NDST4: variants seen among roughly 807,000 people sequenced by gnomAD.
NDST4 encodes the protein N-deacetylase and N-sulfotransferase 4.
NDST4 carries 63 observed loss-of-function variants against 100.8 expected under a neutral mutation model. The observed-to-expected ratio is 0.62, with a 90% CI of 0.51 to 0.77. The LOEUF (loss-of-function observed/expected upper bound fraction) is 0.77, where lower values mean the gene tolerates loss of function less well. Ranked by LOEUF, NDST4 falls within the 30% of genes least tolerant of loss-of-function variation. The probability of loss-of-function intolerance (pLI) is 0.00; values close to 1 mark genes in which losing one functional copy is unlikely to be tolerated. For missense variants in NDST4, 943 were observed against 1,018.4 expected (o/e 0.93, Z 1.01); for synonymous variants, 377 against 361.8 (o/e 1.04, Z -0.48).
At chr4:114,962,129 C>A (rs560355995) in intron 4 of NDST4, among the ~76,000 whole-genome samples, 29 of 152,078 alleles carry the variant, frequency 1.9e-4, no homozygotes, top group African/African-American at 6.0e-4. Context: ...AAAATACATG[C>A]AGATACATAC....
chr4:114,988,343 T>A (rs1269376956), intron 2 of NDST4, among the ~76,000 whole-genome samples: 8 of 140,510 alleles, frequency 5.7e-5, no homozygotes, highest in Non-Finnish European at 1.1e-4. Context: ...AGCACACAGA[T>A]ACACATATCT....
intron 2 of NDST4, among the ~76,000 whole-genome samples, chr4:115,040,285 G>A (rs941503476): frequency 2.7e-5 from 4 of 149,004 alleles, no homozygotes; most frequent in East Asian, 2.0e-4. Context: ...TAATAACACA[G>A]TAAGGTACTA....
rs1365709023 is a variant in NDST4 at position 114,914,886 on chromosome 4, G to A, written c.1536+20320C>T. Among the ~76,000 whole-genome samples the A allele has an allele frequency of 2.0e-5, 3 of 151,998 alleles. No individual in the cohort carries two copies. The East Asian group carries it at 5.8e-4, about 29-fold the overall frequency. On this transcript the variant is annotated intron_variant, in intron 6 of 13. Transcript: ENST00000264363. ...TTATTTTTACTCGTGCTATCGCCAG[G>A]CAGGGAATAGGTAACTTGGACTCAA...
chr4:114,986,832 A>ATATATATTTTTTTTTT, intron 2 of NDST4, among the ~76,000 whole-genome samples: 29 of 94,648 alleles, frequency 3.1e-4, no homozygotes, highest in Middle Eastern at 7.9e-3. Flanking sequence ...ATATATATAT[A>ATATATATTTTTTTTTT]TTTTAATATA....
At chr4:114,937,759 G>T (rs971169194) in intron 4 of NDST4, among the ~76,000 whole-genome samples, 2 of 151,924 alleles carry the variant, frequency 1.3e-5, no homozygotes, top group African/African-American at 4.8e-5. Flanking sequence ...GTAAAGTTTT[G>T]GGGGAAGATA....
intron 1 of NDST4, among the ~76,000 whole-genome samples, chr4:115,085,060 T>C (rs1404380312): frequency 6.6e-6 from 1 of 152,068 alleles, no homozygotes; most frequent in Non-Finnish European, 1.5e-5. Flanking sequence ...GGGGTGGAGC[T>C]CCCCAAGGCC....
chr4:114,943,073 TATATA>T (rs1244409439), intron 4 of NDST4, among the ~76,000 whole-genome samples: 1 of 147,194 alleles, frequency 6.8e-6, no homozygotes, highest in Non-Finnish European at 1.5e-5. Context: ...ATTTATATAT[TATATA>T]ATATAATTTA....
intron 2 of NDST4, among the ~76,000 whole-genome samples, chr4:115,068,815 C>CAAAAAAAAA (rs34003720): frequency 1.3e-5 from 1 of 77,622 alleles, no homozygotes; most frequent in Admixed American, 1.4e-4. Context: ...GGCTCCATCT[C>CAAAAAAAAA]AAAAAAAAAA....
At chr4:114,945,608 G>T (rs1725845312) in intron 4 of NDST4, among the ~76,000 whole-genome samples, 1 of 152,200 alleles carries the variant, frequency 6.6e-6, no homozygotes, top group Non-Finnish European at 1.5e-5. Context: ...TAATGCACTT[G>T]TTGTAAAGAG....
intron 2 of NDST4, among the ~76,000 whole-genome samples, chr4:115,025,238 G>A (rs1315542619): frequency 1.3e-5 from 2 of 152,002 alleles, no homozygotes; most frequent in African/African-American, 4.8e-5. Flanking sequence ...AGCCTCAACA[G>A]CCTAGAACAT....
In NDST4 at chr4:114,996,743, C is replaced by T. The variant is rs923187384; in HGVS notation, c.979-19469G>A. Among the ~76,000 whole-genome samples, 6 of 152,036 alleles carry T rather than the reference C, an allele frequency of 3.9e-5. 1 individual carries two copies. The highest frequency in any genetic ancestry group is 4.1e-4 in the South Asian group (2 of 4,822). ...CGATACTAAAAATTAAAATTTCATT[C>T]GGTATGTGTTCCTCACTAGTTTAAA... is the stretch of plus-strand genomic sequence containing the variant. On this transcript the variant is annotated intron_variant, in intron 2 of 13. Transcript: ENST00000264363.
At chr4:114,987,892 A>G (rs566758770) in intron 2 of NDST4, among the ~76,000 whole-genome samples, 6 of 152,282 alleles carry the variant, frequency 3.9e-5, no homozygotes, top group Admixed American at 1.3e-4. Context: ...TGGGGTCATG[A>G]TCTCCTCTAT....
At chr4:114,885,157 G>T (rs1023435318) in intron 6 of NDST4, among the ~76,000 whole-genome samples, 3 of 151,962 alleles carry the variant, frequency 2.0e-5, no homozygotes, top group African/African-American at 7.2e-5. Flanking sequence ...ATGCCAACAG[G>T]CTATATTTTT....
chr4:115,021,204 T>C (rs1477065381), intron 2 of NDST4, among the ~76,000 whole-genome samples: 2 of 149,944 alleles, frequency 1.3e-5, no homozygotes, highest in Non-Finnish European at 2.9e-5. Context: ...GTGGTATATA[T>C]ATTCCATATA....
At chr4:114,884,289 G>A (rs558856602) in intron 6 of NDST4, among the ~76,000 whole-genome samples, 2 of 152,128 alleles carry the variant, frequency 1.3e-5, no homozygotes, top group African/African-American at 4.8e-5. Context: ...CAAGCTGCTG[G>A]GGAGGCAGGA....
intron 1 of NDST4, among the ~76,000 whole-genome samples, chr4:115,102,074 T>C (rs969203995): frequency 1.3e-5 from 2 of 152,134 alleles, no homozygotes; most frequent in African/African-American, 2.4e-5. Context: ...TACTTTTCTG[T>C]ACACTTAAGT....
intron 11 of NDST4, among the ~76,000 whole-genome samples, chr4:114,839,101 C>G (rs1217051252): frequency 6.6e-6 from 1 of 152,082 alleles, no homozygotes; most frequent in Admixed American, 6.5e-5. Flanking sequence ...AAACTAGCTA[C>G]TGTTCAAAAG....
intron 2 of NDST4, among the ~76,000 whole-genome samples, chr4:115,040,446 T>C (rs866357325): frequency 6.6e-5 from 10 of 151,378 alleles, no homozygotes; most frequent in African/African-American, 9.7e-5. Flanking sequence ...TCATGAGATA[T>C]GGTAAATAAG....
rs150715313 is a variant in NDST4 at position 114,865,925 on chromosome 4, A to C, written c.1719+4843T>G. Among the ~76,000 whole-genome samples, 135 of 152,350 alleles carry C rather than the reference A, an allele frequency of 8.9e-4. 1 individual carries two copies. Among genetic ancestry groups the C allele is most frequent in the African/African-American group, 3.0e-3 (124 of 41,586 alleles). On this transcript the variant is annotated intron_variant, in intron 7 of 13. Transcript: ENST00000264363. Reference sequence around the variant, plus strand: ...TATTTGGTGGAGGAGATATTCCTGAAAGGTATATAACATACTATCGCTAAG... The same window carrying C: ...TATTTGGTGGAGGAGATATTCCTGACAGGTATATAACATACTATCGCTAAG...
Sources: allele counts gnomAD v4.1 joint callset (sites outside exome capture counted in the v4.1 genomes callset), GRCh38; gene constraint gnomAD v4.1.1; transcripts MANE v1.5; gene names NCBI Gene and HGNC (gene_info 2026-07-23, HGNC 2026-07-21).